Variants in ERICH1 observed in about 807,000 individuals in gnomAD.
ERICH1 encodes glutamate rich 1.
In ERICH1, 56 loss-of-function variants were observed where a neutral mutation model predicts 39.6. That is an observed-to-expected ratio of 1.41 (90% confidence interval 1.14 to 1.77). The LOEUF is 1.77. Ranked by LOEUF, ERICH1 falls within the 40% of genes most tolerant of loss-of-function variation. The pLI, the probability that ERICH1 is intolerant of heterozygous loss-of-function variation, is 0.00. For missense variants in ERICH1, 826 were observed against 575.4 expected (o/e 1.44, Z -4.45); for synonymous variants, 313 against 223.6 (o/e 1.40, Z -3.57).
Position 673,856 on chromosome 8 carries a change from TC to T in ERICH1, c.495del (p.Lys167ArgfsTer76). The part of the protein sequence containing the change: ...TTISKNKKRK[L>X]KKKQQIKRKK... ...TTCCTTTTAATTTGCTGTTTCTTTT[TC>T]AGTTTCCTTTTTTTATTTTTGCTTA... On this transcript the variant is annotated frameshift_variant, in exon 4 of 6. Transcript: ENST00000262109. LOFTEE classifies it high-confidence loss of function. 2 of 1,613,874 alleles carry T rather than the reference TC, an allele frequency of 1.2e-6. No individual in the cohort carries two copies. The highest frequency in any genetic ancestry group is 4.5e-5 in the East Asian group (2 of 44,892).
At chr8:730,432 T>C (rs1207702215) in intron 1 of ERICH1, among the ~76,000 whole-genome samples, 1 of 152,208 alleles carries the variant, frequency 6.6e-6, no homozygotes, top group Non-Finnish European at 1.5e-5. Context: ...CCTGAATTAA[T>C]CCAAGTAACA....
intron 2 of ERICH1, among the ~76,000 whole-genome samples, chr8:700,571 C>T (rs1811877933): frequency 7.9e-6 from 1 of 126,740 alleles, no homozygotes; most frequent in East Asian, 2.0e-4. Context: ...CCCGCACAGG[C>T]GCACAGACCC....
intron 2 of ERICH1, among the ~76,000 whole-genome samples, chr8:709,053 T>C (rs771221531): frequency 6.6e-6 from 1 of 152,104 alleles, no homozygotes; most frequent in African/African-American, 2.4e-5. Context: ...AATGGAATGG[T>C]TGTACAACAG....
At chr8:686,948 G>C (rs908215994) in intron 3 of ERICH1, among the ~76,000 whole-genome samples, 2 of 152,086 alleles carry the variant, frequency 1.3e-5, no homozygotes, top group Admixed American at 6.5e-5. Context: ...TGCGGAGCGG[G>C]GGGCAGCCCC....
At position 692,474 on chromosome 8, in the gene ERICH1, T is replaced by C; in HGVS notation, c.304+4A>G. The C allele has an allele frequency of 8.7e-6, 14 of 1,614,070 alleles. No individual in the cohort carries two copies. Among genetic ancestry groups the C allele is most frequent in the Non-Finnish European group, 1.2e-5 (14 of 1,179,974 alleles). ...TCTACCTTTCCTCCCACCCAGCATT[T>C]TACCTTCTGTGTCATCCCCGCTGGA... On this transcript the variant is annotated splice_donor_region_variant and intron_variant, in intron 3 of 5. Coordinates refer to ENST00000262109, the MANE Select transcript of ERICH1 (RefSeq NM_207332.3).
chr8:667,324 C>G (rs1336215725), intron 5 of ERICH1: 7 of 153,726 alleles, frequency 4.6e-5, no homozygotes, highest in South Asian at 2.0e-4. Context: ...TCACATCCAT[C>G]CCCTGGTCCA....
chr8:656,841 C>A, intron 3 of ERICH1: 1 of 985,468 alleles, frequency 1.0e-6, no homozygotes. Flanking sequence ...CCGGGGAGCC[C>A]CCCAGCATGC....
At chr8:696,784 T>G (rs1810386065) in intron 2 of ERICH1, among the ~76,000 whole-genome samples, 1 of 96,912 alleles carries the variant, frequency 1.0e-5, no homozygotes, top group African/African-American at 4.1e-5. Context: ...CAGCCTGCGC[T>G]CGCTCCTCTC....
intron 4 of ERICH1, 37 bp from the exon 5 acceptor site, chr8:668,829 GT>G: frequency 6.5e-7 from 1 of 1,542,826 alleles, no homozygotes; most frequent in Admixed American, 2.0e-5. Flanking sequence ...ATACAGTTTT[GT>G]TTTTATTTCT....
In ERICH1 at chr8:668,652, C is replaced by T. The variant is rs1310275847; in HGVS notation, c.1204G>A (p.Glu402Lys). 1.2e-6 allele frequency: 2 copies of T among 1,614,190 alleles called. No homozygotes were observed. Among genetic ancestry groups the T allele is most frequent in the South Asian group, 2.2e-5 (2 of 91,080 alleles). The change falls in exon 5 of 6, where the codon GAG (glutamate) becomes AAG (lysine). Residue 402 changes from glutamate (E) to lysine (K), a missense_variant. Coordinates refer to ENST00000262109, the MANE Select transcript of ERICH1 (RefSeq NM_207332.3). ...ATTTCCAGAGCATGCTTCAATCTCT[C>T]AGTATCTTGCAGGAGCAGCAGCGTT... ...MKTLLLLQDT[E>K]RLKHALEMFP...
intron 3 of ERICH1, among the ~76,000 whole-genome samples, chr8:677,374 T>C (rs1269519655): frequency 6.6e-6 from 1 of 152,212 alleles, no homozygotes; most frequent in Non-Finnish European, 1.5e-5. Flanking sequence ...TTGTTGTGAT[T>C]GGTATCCGTT....
At chr8:701,676 A>G (rs899233446) in intron 2 of ERICH1, among the ~76,000 whole-genome samples, 2 of 152,278 alleles carry the variant, frequency 1.3e-5, no homozygotes, top group East Asian at 3.8e-4. Flanking sequence ...AGCGTAAAAT[A>G]TCTTTGTTAT....
At chr8:677,156 G>A (rs927922512) in intron 3 of ERICH1, among the ~76,000 whole-genome samples, 1 of 152,236 alleles carries the variant, frequency 6.6e-6, no homozygotes, top group Non-Finnish European at 1.5e-5. Flanking sequence ...ACCGCAAGCT[G>A]TGACGCAGTC....
At chr8:686,952 C>G (rs1280742074) in intron 3 of ERICH1, among the ~76,000 whole-genome samples, 1 of 147,768 alleles carries the variant, frequency 6.8e-6, no homozygotes, top group Non-Finnish European at 1.5e-5. Context: ...GAGCGGGGGG[C>G]AGCCCCATCA....
At chr8:700,209 GCGCACACA>G (rs1811622638) in intron 2 of ERICH1, among the ~76,000 whole-genome samples, 1 of 88,036 alleles carries the variant, frequency 1.1e-5, no homozygotes, top group South Asian at 4.4e-4. Context: ...GCCGGCACAG[GCGCACACA>G]CCCGCACACG....
At position 664,665 on chromosome 8, in the gene ERICH1, C is replaced by T. The variant is rs1342584359; in HGVS notation, c.1270G>A (p.Val424Ile). 2.5e-6 allele frequency: 4 copies of T among 1,611,516 alleles called. No individual in the cohort carries two copies. The highest frequency in any genetic ancestry group is 3.4e-6 in the Non-Finnish European group (4 of 1,179,136). ...CAGTAACTAAAGAAAGCTGAGATTA[C>T]TCTGGCATGGTCTAGAAAGCAAAAA... Reference protein sequence around the residue: ...HCTMPPDHARVISAFFSYWIT... With the variant: ...HCTMPPDHARIISAFFSYWIT... The change falls in exon 6 of 6, where the codon GTA becomes ATA. Residue 424 changes from valine to isoleucine, a missense_variant. Coordinates refer to ENST00000262109, the MANE Select transcript of ERICH1 (RefSeq NM_207332.3).
At chr8:650,707 G>A (rs1369243889) in intron 3 of ERICH1, among the ~76,000 whole-genome samples, 1 of 152,234 alleles carries the variant, frequency 6.6e-6, no homozygotes, top group East Asian at 1.9e-4. Context: ...TGACCCTGAA[G>A]AGGGTGCAGC....
Position 664,644 on chromosome 8 carries a change from A to G in ERICH1, c.1291T>C (p.Tyr431His). ...TCAGGAAGGATATGTGTGATCCAGT[A>G]ACTAAAGAAAGCTGAGATTACTCTG... is the stretch of plus-strand genomic sequence containing the variant. ...HARVISAFFS[Y>H]WITHILPEKS... is the part of the protein sequence containing the mutation. Residue 431 changes from tyrosine (Y) to histidine (H), a missense_variant, in exon 6 of 6, where the codon TAC becomes CAC. By Grantham distance (83) the Tyr-to-His change is moderately conservative. Coordinates refer to ENST00000262109, the MANE Select transcript of ERICH1 (RefSeq NM_207332.3). 6.2e-7 allele frequency: 1 copy of G among 1,613,088 alleles called. No individual in the cohort carries two copies. Among genetic ancestry groups the G allele is most frequent in the Non-Finnish European group, 8.5e-7 (1 of 1,179,718 alleles).
chr8:721,375 G>C (rs1262502922), intron 1 of ERICH1, among the ~76,000 whole-genome samples: 1 of 152,142 alleles, frequency 6.6e-6, no homozygotes, highest in Non-Finnish European at 1.5e-5. Context: ...TCACAGACGA[G>C]CTTCACTTCC....
Sources: gnomAD v4.1 joint callset for allele counts (sites outside exome capture counted in the v4.1 genomes callset) on GRCh38, gnomAD v4.1.1 for gene constraint, MANE v1.5 for transcripts, NCBI Gene and HGNC (gene_info 2026-07-23, HGNC 2026-07-21) for gene names.